Variants in USP47 observed in about 807,000 individuals in gnomAD.
USP47 encodes ubiquitin specific peptidase 47.
USP47 carries 35 observed loss-of-function variants against 165.1 expected under a neutral mutation model. The ratio of observed to expected loss-of-function variants is 0.21; its 90% CI spans 0.16 to 0.28. The LOEUF is 0.28. USP47 is among the 10% of genes least tolerant of loss of function. The pLI, the probability that USP47 is intolerant of heterozygous loss-of-function variation, is 1.00. For missense variants in USP47, 1,277 were observed against 1,607.4 expected (o/e 0.79, Z 3.52); for synonymous variants, 531 against 544.5 (o/e 0.98, Z 0.35).
At chr11:11,955,958 A>AG (rs3215040) in intron 27 of USP47, 43 bp from the exon 28 acceptor site, 117,735 of 1,440,046 alleles carry the variant, frequency 0.082, 6,455 homozygotes, top group East Asian at 0.28. Context: ...ATAGAGGTGG[A>AG]GGGCTCTACT....
intron 8 of USP47, among the ~76,000 whole-genome samples, chr11:11,910,267 G>A (rs532487687): frequency 2.0e-5 from 3 of 152,286 alleles, no homozygotes; most frequent in African/African-American, 7.2e-5. Flanking sequence ...TAACACGGTG[G>A]TGAGTTCCAT....
At chr11:11,894,370 C>G (rs61534884) in intron 4 of USP47, among the ~76,000 whole-genome samples, 2 of 151,970 alleles carry the variant, frequency 1.3e-5, no homozygotes, top group Non-Finnish European at 1.5e-5. Flanking sequence ...GCAGGAGAAT[C>G]GCTTGAACCC....
In USP47 at chr11:11,938,808, G is replaced by A. The variant is rs975780136; in HGVS notation, c.2193+436G>A. On this transcript the variant is annotated intron_variant, in intron 18 of 27. Transcript: ENST00000527733. ...GGGAGTCAGGAATGGAGAGGAGGAA[G>A]CTGTTGAAATAATTCAAGTGCAGTT... Among the ~76,000 whole-genome samples the A allele has an allele frequency of 2.6e-5, 4 of 152,068 alleles. No individual in the cohort carries two copies. The East Asian group carries it at 7.7e-4, about 29-fold the overall frequency.
chr11:11,953,723 A>G (rs1271478718), intron 25 of USP47, among the ~76,000 whole-genome samples: 1 of 152,234 alleles, frequency 6.6e-6, no homozygotes, highest in African/African-American at 2.4e-5. Context: ...GACAGCATGA[A>G]TAGGCAATTT....
intron 3 of USP47, among the ~76,000 whole-genome samples, chr11:11,888,318 A>G (rs955189278): frequency 3.9e-5 from 6 of 152,172 alleles, no homozygotes; most frequent in African/African-American, 1.4e-4. Context: ...ATAAACTGCT[A>G]GTTAGACTAA....
At chr11:11,898,661 GT>G (rs1852000149) in intron 5 of USP47, among the ~76,000 whole-genome samples, 1 of 152,186 alleles carries the variant, frequency 6.6e-6, no homozygotes, top group South Asian at 2.1e-4. Context: ...ATATGTATAT[GT>G]TTGAAATAGT....
Position 11,955,149 on chromosome 11 carries a change from C to A in USP47, c.3878C>A (p.Ala1293Glu). The change falls in exon 27 of 28, where the codon GCG (alanine) becomes GAG (glutamate). Residue 1293 changes from alanine (A) to glutamate (E), a missense_variant. Coordinates refer to ENST00000527733, the MANE Select transcript of USP47 (RefSeq NM_001282659.2). ...VWPLYICDDG[A>E]VIFYRDKTEE... is the part of the protein sequence containing the mutation. ...CCTCTTTATATCTGTGATGATGGTG[C>A]GGTCATATTTTATAGGTAACATTCA... The A allele has an allele frequency of 6.2e-7, 1 of 1,612,292 alleles. No individual in the cohort carries two copies. The highest frequency in any genetic ancestry group is 1.1e-5 in the South Asian group (1 of 90,684).
rs562884178 is a variant in USP47, at chr11:11,869,727, A to T, written c.40-10450A>T. ...TTCATGTGGAAATTTAGTTTCTATT[A>T]TGATAGTATTAAGAGATGTCAAATA... is the stretch of plus-strand genomic sequence containing the variant. On this transcript the variant is annotated intron_variant, in intron 1 of 27. Coordinates refer to ENST00000527733, the MANE Select transcript of USP47 (RefSeq NM_001282659.2). Among the ~76,000 whole-genome samples the T allele has an allele frequency of 2.8e-4, 43 of 152,302 alleles. 1 individual carries two copies. The South Asian group carries it at 8.9e-3, about 32-fold the overall frequency.
intron 7 of USP47, among the ~76,000 whole-genome samples, chr11:11,903,974 T>C (rs1852387479): frequency 6.6e-6 from 1 of 152,150 alleles, no homozygotes; most frequent in Non-Finnish European, 1.5e-5. Context: ...GGGTCTGATA[T>C]CTGATTGGAA....
In USP47 at chr11:11,939,337, C is replaced by T. The variant is rs147699620; in HGVS notation, c.2193+965C>T. Among the ~76,000 whole-genome samples the T allele has an allele frequency of 8.4e-3, 1,283 of 151,932 alleles. 11 individuals are homozygous for T. The highest frequency in any genetic ancestry group is 0.029 in the African/African-American group (1,213 of 41,446). ...GTCATTCATCTTATGGTAGTCTTGT[C>T]TTTCATCTCATTATCTGGGGTTGTA... On this transcript the variant is annotated intron_variant, in intron 18 of 27. Transcript: ENST00000527733.
intron 18 of USP47, 129 bp from the exon 19 acceptor site, chr11:11,940,300 C>G (rs1432729738): frequency 1.1e-6 from 1 of 923,788 alleles, no homozygotes; most frequent in African/African-American, 1.7e-5. Flanking sequence ...ATTTTAAAAC[C>G]TCTACTAAAA....
chr11:11,868,103 T>C (rs1849798519), intron 1 of USP47, among the ~76,000 whole-genome samples: 1 of 152,236 alleles, frequency 6.6e-6, no homozygotes, highest in South Asian at 2.1e-4. Context: ...GTACATTTAC[T>C]TGTAGTTTGG....
intron 7 of USP47, 68 bp downstream of exon 7, chr11:11,903,410 T>C (rs916240825): frequency 1.4e-6 from 2 of 1,461,584 alleles, no homozygotes; most frequent in Admixed American, 1.8e-5. Context: ...AAATGACTTT[T>C]ATTCTGTTGG....
intron 8 of USP47, among the ~76,000 whole-genome samples, chr11:11,913,752 G>A (rs1035360676): frequency 6.6e-6 from 1 of 152,026 alleles, no homozygotes; most frequent in African/African-American, 2.4e-5. Flanking sequence ...TTTCAAAATA[G>A]CTAGAATAGA....
chr11:11,908,901 C>A (rs961414513), intron 8 of USP47, among the ~76,000 whole-genome samples: 7 of 152,044 alleles, frequency 4.6e-5, no homozygotes, highest in Non-Finnish European at 1.5e-5. Context: ...GGGAAGGTGT[C>A]CTTGATTAAA....
At chr11:11,916,667 T>A (rs1468144129) in intron 8 of USP47, among the ~76,000 whole-genome samples, 1 of 151,526 alleles carries the variant, frequency 6.6e-6, no homozygotes, top group Non-Finnish European at 1.5e-5. Context: ...AAAAAAAAAT[T>A]GAAAGAGAAG....
At position 11,957,125 on chromosome 11, in the gene USP47, A is replaced by AT. The variant is rs1847239429; in HGVS notation, c.*957dup. 6.6e-6 allele frequency: 1 copy of AT among 152,102 alleles called. No individual in the cohort carries two copies. Among genetic ancestry groups the AT allele is most frequent in the Admixed American group, 6.5e-5 (1 of 15,274 alleles). The allele number at this position is 152,102 out of a possible 1,614,324, so 9.4% of individuals were successfully genotyped here. A position where few individuals can be genotyped will look rare whatever the true frequency, so the allele number is the denominator to read the frequency against. On this transcript the variant is annotated 3_prime_UTR_variant, in exon 28 of 28. Transcript: ENST00000527733. ...GAGGTTTCTCTGTTCAGCGGCTTCA[A>AT]TTTTTTTCTCTTTGTACATCTAGTT...
Position 11,961,540 on chromosome 11 carries a change from G to A in USP47, c.*5365G>A, listed in dbSNP as rs557416816. Among the ~76,000 whole-genome samples the A allele has an allele frequency of 6.6e-6, 1 of 152,196 alleles. No individual in the cohort carries two copies. Among genetic ancestry groups the A allele is most frequent in the South Asian group, 2.1e-4 (1 of 4,836 alleles). On this transcript the variant is annotated 3_prime_UTR_variant, in exon 28 of 28. Transcript: ENST00000527733. ...AGCAAGGAAATGGACTCTCCCCAGA[G>A]CCTCCAGAGGAATGCAGCCCTGTTG...
At position 11,842,014 on chromosome 11, in the gene USP47, C is replaced by G. The variant is rs1245815794; in HGVS notation, c.-172C>G. 4.2e-6 allele frequency: 3 copies of G among 712,820 alleles called. No homozygotes were observed. Among genetic ancestry groups the G allele is most frequent in the South Asian group, 2.2e-5 (1 of 45,192 alleles). 44.2% of individuals were successfully genotyped at this position (712,820 alleles called of 1,614,324 possible). ...TAGCGGCGGCGGCGGCGGCGGAGCCCTGGGTCGGTGTCTGCGCGCTGGTGT... is the reference window on the plus strand; with the variant it reads ...TAGCGGCGGCGGCGGCGGCGGAGCCGTGGGTCGGTGTCTGCGCGCTGGTGT... On this transcript the variant is annotated 5_prime_UTR_variant, in exon 1 of 28. Transcript: ENST00000527733.
Sources: allele counts gnomAD v4.1 joint callset (sites outside exome capture counted in the v4.1 genomes callset), GRCh38; gene constraint gnomAD v4.1.1; transcripts MANE v1.5; gene names NCBI Gene and HGNC (gene_info 2026-07-23, HGNC 2026-07-21).